SNTG2: variants seen among roughly 807,000 people sequenced by gnomAD.
SNTG2 encodes gamma-2-syntrophin.
SNTG2 carries 74 observed loss-of-function variants against 70.9 expected under a neutral mutation model. That is an observed-to-expected ratio of 1.04 (90% CI 0.86 to 1.27). The LOEUF is 1.27. SNTG2 is among the 50% of genes most tolerant of loss of function. The probability of loss-of-function intolerance (pLI) is 0.00; values close to 1 mark genes in which losing one functional copy is unlikely to be tolerated. For synonymous variants in SNTG2, 278 were observed against 273.8 expected (o/e 1.02, Z -0.15); for missense variants, 717 against 690.7 (o/e 1.04, Z -0.43).
At chr2:1,242,743 G>C (rs1677130749) in intron 11 of SNTG2, 1 of 152,142 alleles carries the variant, frequency 6.6e-6, no homozygotes, top group African/African-American at 2.4e-5. Context: ...TCTAGCTAAA[G>C]GAAAAGACCA....
intron 8 of SNTG2, among the ~76,000 whole-genome samples, chr2:1,208,691 G>C (rs925931071): frequency 6.6e-6 from 1 of 152,136 alleles, no homozygotes; most frequent in Non-Finnish European, 1.5e-5. Flanking sequence ...TGACCTGGAC[G>C]CCCGTTGGAA....
Position 1,035,780 on chromosome 2 carries a change from A to G in SNTG2, c.73-47738A>G, listed in dbSNP as rs375632351. Among the ~76,000 whole-genome samples the G allele has an allele frequency of 7.2e-5, 11 of 152,030 alleles. 1 individual carries two copies. In the East Asian group the frequency reaches 1.2e-3, roughly 16 times the overall value. On this transcript the variant is annotated intron_variant, in intron 1 of 16. Transcript: ENST00000308624. ...AGTCTTTTATTTTCAACTCTTGTAT[A>G]TTTGCATTTATCTTCAGTGTGTTTT...
intron 1 of SNTG2, among the ~76,000 whole-genome samples, chr2:1,005,109 C>T (rs1402280142): frequency 6.6e-6 from 1 of 152,162 alleles, no homozygotes; most frequent in African/African-American, 2.4e-5. Flanking sequence ...ATGATGCCAA[C>T]TGTATGACCT....
At chr2:1,203,671 AAAATATAT>A (rs1412953261) in intron 8 of SNTG2, among the ~76,000 whole-genome samples, 79 of 67,096 alleles carry the variant, frequency 1.2e-3, no homozygotes, top group East Asian at 9.1e-3. Context: ...AACAAAAAAA[AAAATATAT>A]ATATATATAT....
intron 12 of SNTG2, among the ~76,000 whole-genome samples, chr2:1,258,920 G>T (rs1423076707): frequency 6.6e-6 from 1 of 152,116 alleles, no homozygotes; most frequent in African/African-American, 2.4e-5. Flanking sequence ...AAAAGCAAAA[G>T]ACTGTCTACA....
At chr2:962,689 C>T (rs1489408577) in intron 1 of SNTG2, among the ~76,000 whole-genome samples, 4 of 152,062 alleles carry the variant, frequency 2.6e-5, no homozygotes, top group South Asian at 2.1e-4. Flanking sequence ...AATAATAAAT[C>T]GAATATGTTT....
At chr2:985,657 A>C (rs541023160) in intron 1 of SNTG2, among the ~76,000 whole-genome samples, 1 of 152,254 alleles carries the variant, frequency 6.6e-6, no homozygotes, top group South Asian at 2.1e-4. Context: ...TCAGAAATCT[A>C]GCATTCTCTG....
intron 7 of SNTG2, among the ~76,000 whole-genome samples, chr2:1,170,597 C>T (rs1343006362): frequency 6.7e-6 from 1 of 148,870 alleles, no homozygotes; most frequent in Non-Finnish European, 1.5e-5. Context: ...TTGTGTCTGG[C>T]ATCTTCCCCC....
intron 9 of SNTG2, among the ~76,000 whole-genome samples, chr2:1,211,705 C>T (rs1674056215): frequency 6.6e-6 from 1 of 152,068 alleles, no homozygotes; most frequent in Non-Finnish European, 1.5e-5. Context: ...TTATTCACTA[C>T]CATGAGAACA....
intron 4 of SNTG2, among the ~76,000 whole-genome samples, chr2:1,099,233 G>C (rs1414451192): frequency 6.7e-6 from 1 of 149,010 alleles, no homozygotes. Flanking sequence ...GGTCCGTGTC[G>C]GGGGGTGGGG....
chr2:957,299 A>G (rs1241404921), intron 1 of SNTG2, among the ~76,000 whole-genome samples: 1 of 152,128 alleles, frequency 6.6e-6, no homozygotes, highest in African/African-American at 2.4e-5. Flanking sequence ...CCTCAGAAAC[A>G]CTAGAAATTT....
chr2:1,117,611 G>A (rs113635674), intron 4 of SNTG2, among the ~76,000 whole-genome samples: 53 of 152,236 alleles, frequency 3.5e-4, no homozygotes, highest in African/African-American at 1.1e-3. Flanking sequence ...AATCAGAACC[G>A]AGGCGGAGCT....
chr2:951,175 C>A, intron 1 of SNTG2, 107 bp downstream of exon 1: 1 of 522,004 alleles, frequency 1.9e-6, no homozygotes, highest in Non-Finnish European at 2.9e-6. Flanking sequence ...CTCCCCGCGA[C>A]CCCTTCCCTG....
intron 9 of SNTG2, among the ~76,000 whole-genome samples, chr2:1,227,468 T>C (rs1192396425): frequency 2.0e-5 from 3 of 152,232 alleles, no homozygotes; most frequent in East Asian, 1.9e-4. Context: ...GAGCCGCCCA[T>C]GTGACTCTAA....
At chr2:973,864 G>T (rs1660826132) in intron 1 of SNTG2, among the ~76,000 whole-genome samples, 1 of 151,984 alleles carries the variant, frequency 6.6e-6, no homozygotes, top group African/African-American at 2.4e-5. Flanking sequence ...ATTTAGTTTT[G>T]TCTTTTAAAT....
intron 1 of SNTG2, among the ~76,000 whole-genome samples, chr2:997,634 C>T (rs1374005572): frequency 6.6e-6 from 1 of 152,154 alleles, no homozygotes; most frequent in Non-Finnish European, 1.5e-5. Context: ...CCATCACTCA[C>T]CTCAGCAGTT....
chr2:1,098,527 T>A, intron 4 of SNTG2, 117 bp downstream of exon 4: 1 of 1,094,304 alleles, frequency 9.1e-7, no homozygotes. Context: ...AACTTCCGTT[T>A]TATTTTTGTA....
chr2:1,243,793 C>G (rs181530591), intron 11 of SNTG2, among the ~76,000 whole-genome samples: 6 of 152,154 alleles, frequency 3.9e-5, no homozygotes, highest in African/African-American at 1.4e-4. Flanking sequence ...ATGAGGGAGC[C>G]GAGGTGGGCA....
intron 13 of SNTG2, among the ~76,000 whole-genome samples, chr2:1,261,205 T>C (rs10195428): frequency 0.01 from 1,588 of 152,366 alleles, 22 homozygotes; most frequent in African/African-American, 0.035. Context: ...CAAAATCATA[T>C]TGACTGCTTT....
Sources: allele counts gnomAD v4.1 joint callset (sites outside exome capture counted in the v4.1 genomes callset), GRCh38; gene constraint gnomAD v4.1.1; transcripts MANE v1.5; gene names NCBI Gene and HGNC (gene_info 2026-07-23, HGNC 2026-07-21).